The following MSH3 variants were observed in gnomAD, a reference collection of about 807,000 sequenced individuals.
MSH3 encodes the protein DNA mismatch repair protein Msh3.
MSH3 carries 106 observed loss-of-function variants against 123.3 expected under a neutral mutation model. The ratio of observed to expected loss-of-function variants is 0.86; its 90% CI spans 0.73 to 1.01. MSH3 has a LOEUF of 1.01. Among genes scored for constraint, MSH3 ranks in the 50% least tolerant of loss-of-function variants. The pLI, the probability that MSH3 is intolerant of heterozygous loss-of-function variation, is 0.00. For synonymous variants in MSH3, 515 were observed against 481.4 expected, an observed-to-expected ratio of 1.07 and a Z score of -0.91; for missense variants, 1,459 against 1,347.6, an observed-to-expected ratio of 1.08 and a Z score of -1.29.
At chr5:80,711,078 A>G (rs1451562758) in intron 8 of MSH3, among the ~76,000 whole-genome samples, 3 of 152,266 alleles carry the variant, frequency 2.0e-5, no homozygotes, top group African/African-American at 7.2e-5. Flanking sequence ...GGTATAATCA[A>G]AAGTGTAGAA....
intron 20 of MSH3, among the ~76,000 whole-genome samples, chr5:80,834,649 TTAAAA>T (rs1448797029): frequency 2.7e-5 from 4 of 145,600 alleles, no homozygotes; most frequent in Non-Finnish European, 6.1e-5. Context: ...AAATAAATAC[TTAAAA>T]TATATATAAA....
Position 80,805,595 on chromosome 5 carries a change from T to C in MSH3, c.2656-7989T>C, listed in dbSNP as rs1220634256. On this transcript the variant is annotated intron_variant, in intron 19 of 23. Transcript: ENST00000265081. ...AATATGATGCCCCCCCCCCCTACCT[T>C]TTTTTTTTTTTTTTTTTGAGATGGA... 3.2e-3 allele frequency among the ~76,000 whole-genome samples: 90 copies of C among 27,856 alleles called. 1 individual carries two copies. Among genetic ancestry groups the C allele is most frequent in the South Asian group, 0.014 (6 of 420 alleles). 18.3% of individuals were successfully genotyped at this position (27,856 alleles called of 152,430 possible). A position where few individuals can be genotyped will look rare whatever the true frequency, so the allele number is the denominator to read the frequency against.
rs755783306 is a variant in MSH3, at chr5:80,875,747, C to G, written c.3303-4C>G. 1.3e-6 allele frequency: 2 copies of G among 1,579,124 alleles called. No individual in the cohort carries two copies. Among genetic ancestry groups the G allele is most frequent in the African/African-American group, 1.3e-5 (1 of 74,226 alleles). Reference sequence around the variant, plus strand: ...TAAATAAGTAGTATTTGATTTTTCCCCAGAAAGAGACTCAAGTATTTTGCA... The same window carrying G: ...TAAATAAGTAGTATTTGATTTTTCCGCAGAAAGAGACTCAAGTATTTTGCA... On this transcript the variant is annotated splice_polypyrimidine_tract_variant and splice_region_variant and intron_variant, in intron 23 of 23. Transcript: ENST00000265081.
rs955350818 is a variant in MSH3 at position 80,875,998 on chromosome 5, A to G, written c.*136A>G. 3 of 660,330 alleles carry G rather than the reference A, an allele frequency of 4.5e-6. No homozygotes were observed. The highest frequency in any genetic ancestry group is 5.4e-6 in the Non-Finnish European group (2 of 370,388). The allele number at this position is 660,330 out of a possible 1,614,324, so 40.9% of individuals were successfully genotyped here. On this transcript the variant is annotated 3_prime_UTR_variant, in exon 24 of 24. Coordinates refer to ENST00000265081, the MANE Select transcript of MSH3 (RefSeq NM_002439.5). ...ACCATGGTATATTCCTATTGGAAAC[A>G]GAGAGGTTTTTCTGAAGACAGTCTT...
intron 10 of MSH3, among the ~76,000 whole-genome samples, chr5:80,736,109 C>G (rs1175920968): frequency 2.0e-5 from 3 of 151,904 alleles, no homozygotes; most frequent in Admixed American, 6.6e-5. Flanking sequence ...GCCTGTAATC[C>G]CAGCTACTCA....
At position 80,790,195 on chromosome 5, in the gene MSH3, G is replaced by A. The variant is rs151082902; in HGVS notation, c.2543+2523G>A. Among the ~76,000 whole-genome samples the A allele has an allele frequency of 6.2e-3, 942 of 152,204 alleles. 5 individuals are homozygous for A. Among genetic ancestry groups the A allele is most frequent in the Non-Finnish European group, 0.011 (722 of 67,998 alleles). On this transcript the variant is annotated intron_variant, in intron 18 of 23. Coordinates refer to ENST00000265081, the MANE Select transcript of MSH3 (RefSeq NM_002439.5). ...GTATAGGATTGTTCATTGCATCATC[G>A]TTTATAAGTAAGAATTTGGATGCAA...
chr5:80,821,681 C>T (rs1176264720), intron 20 of MSH3, among the ~76,000 whole-genome samples: 1 of 152,224 alleles, frequency 6.6e-6, no homozygotes, highest in Non-Finnish European at 1.5e-5. Flanking sequence ...AGCACTCTGC[C>T]ACAGGGCCTG....
chr5:80,673,490 C>T (rs1289862144), intron 6 of MSH3, among the ~76,000 whole-genome samples: 1 of 152,144 alleles, frequency 6.6e-6, no homozygotes, highest in Admixed American at 6.5e-5. Context: ...GATCATGCCA[C>T]TGCATTCCAG....
In MSH3 at chr5:80,813,688, C is replaced by G. The variant is rs2112054461; in HGVS notation, c.2760C>G (p.Ser920=). The part of the protein sequence containing the change: ...ALITIMAQIG[S]YVPAEEATIG... ...TTACCATCATGGCTCAGATTGGCTC[C>G]TATGTTCCTGCAGAAGAAGCGACAA... The change falls in exon 20 of 24, where the codon TCC becomes TCG. Residue 920 remains serine (S), a synonymous_variant. Coordinates refer to ENST00000265081, the MANE Select transcript of MSH3 (RefSeq NM_002439.5). 6.2e-7 allele frequency: 1 copy of G among 1,614,142 alleles called. No homozygotes were observed. Among genetic ancestry groups the G allele is most frequent in the Non-Finnish European group, 8.5e-7 (1 of 1,180,010 alleles).
intron 20 of MSH3, among the ~76,000 whole-genome samples, chr5:80,832,824 T>A (rs1441598007): frequency 1.3e-5 from 2 of 152,024 alleles, no homozygotes; most frequent in African/African-American, 4.8e-5. Flanking sequence ...CTTAACAATT[T>A]TAATATTTAA....
intron 11 of MSH3, among the ~76,000 whole-genome samples, chr5:80,742,299 C>T (rs754821607): frequency 2.6e-5 from 4 of 152,186 alleles, no homozygotes; most frequent in South Asian, 2.1e-4. Flanking sequence ...CGTAAGCAAA[C>T]GCACCTGGCC....
rs553323856 is a variant in MSH3 at position 80,824,619 on chromosome 5, T to C, written c.2813+10878T>C. Among the ~76,000 whole-genome samples, 12 of 152,346 alleles carry C rather than the reference T, an allele frequency of 7.9e-5. 1 individual carries two copies. In the South Asian group the frequency reaches 1.2e-3, roughly 16 times the overall value. On this transcript the variant is annotated intron_variant, in intron 20 of 23. Coordinates refer to ENST00000265081, the MANE Select transcript of MSH3 (RefSeq NM_002439.5). ...AAAATAATAGGTGCTTATTATGAAA[T>C]GTAACAGGTGTACTAGGGTATGAAG...
chr5:80,690,564 C>T (rs750973020), intron 8 of MSH3, among the ~76,000 whole-genome samples: 4 of 152,104 alleles, frequency 2.6e-5, no homozygotes, highest in East Asian at 1.9e-4. Context: ...ATGATCCGTC[C>T]GCCTTGGCCT....
chr5:80,827,579 CATG>C (rs905126409), intron 20 of MSH3, among the ~76,000 whole-genome samples: 1 of 150,274 alleles, frequency 6.7e-6, no homozygotes, highest in Non-Finnish European at 1.5e-5. Context: ...CTAAAATCCA[CATG>C]ATAAGTGAGC....
intron 8 of MSH3, among the ~76,000 whole-genome samples, chr5:80,723,766 AT>A (rs35310297): frequency 0.72 from 109,400 of 150,968 alleles, 39,662 homozygotes; most frequent in African/African-American, 0.8. Context: ...TCTTTTATTA[AT>A]TTTTTTTTTT....
chr5:80,693,794 A>G (rs1030794890), intron 8 of MSH3, among the ~76,000 whole-genome samples: 8 of 152,052 alleles, frequency 5.3e-5, no homozygotes, highest in African/African-American at 1.9e-4. Flanking sequence ...AGTAGCTGGG[A>G]CTACAGGCAT....
chr5:80,666,620 G>A (rs1650666), intron 3 of MSH3, among the ~76,000 whole-genome samples: 42,226 of 152,106 alleles, frequency 0.28, 6,106 homozygotes, highest in Middle Eastern at 0.35. Context: ...TCAGAAGAGC[G>A]TATACATTAT....
chr5:80,672,461 G>A (rs139601120), intron 5 of MSH3, 101 bp downstream of exon 5: 8 of 877,956 alleles, frequency 9.1e-6, no homozygotes, highest in South Asian at 8.4e-5. Context: ...AATTGGTTTA[G>A]AATTTTGCAT....
intron 10 of MSH3, among the ~76,000 whole-genome samples, chr5:80,734,136 C>G (rs1292966379): frequency 2.0e-5 from 3 of 152,112 alleles, no homozygotes; most frequent in Admixed American, 1.3e-4. Flanking sequence ...GAATGAAGTA[C>G]AGATACATGT....
Sources: gnomAD v4.1 joint callset for allele counts (sites outside exome capture counted in the v4.1 genomes callset) on GRCh38, gnomAD v4.1.1 for gene constraint, MANE v1.5 for transcripts, NCBI Gene and HGNC (gene_info 2026-07-23, HGNC 2026-07-21) for gene names.